Variants in KIAA1328 observed in about 807,000 individuals in gnomAD.
KIAA1328 encodes KIAA1328, also known as protein hinderin.
Under a neutral mutation model 68.1 loss-of-function variants are expected in KIAA1328, and 52 were observed. That is an observed-to-expected ratio of 0.76 (90% CI 0.61 to 0.96). The LOEUF (loss-of-function observed/expected upper bound fraction) is 0.96, where lower values mean the gene tolerates loss of function less well. Among genes scored for constraint, KIAA1328 ranks in the 40% least tolerant of loss-of-function variants. The pLI, the probability that KIAA1328 is intolerant of heterozygous loss-of-function variation, is 0.00. For synonymous variants in KIAA1328, 232 were observed against 239.4 expected (o/e 0.97, Z 0.28); for missense variants, 641 against 677.6 (o/e 0.95, Z 0.60).
chr18:36,899,620 C>T (rs1466317801), intron 5 of KIAA1328, among the ~76,000 whole-genome samples: 2 of 151,910 alleles, frequency 1.3e-5, no homozygotes, highest in East Asian at 3.9e-4. Flanking sequence ...TGTATCTGGA[C>T]TGCATTTGAG....
intron 6 of KIAA1328, among the ~76,000 whole-genome samples, chr18:37,010,063 A>G: frequency 6.6e-6 from 1 of 152,184 alleles, no homozygotes; most frequent in Non-Finnish European, 1.5e-5. Flanking sequence ...CATGGAAAAT[A>G]TACTTGCTGA....
intron 7 of KIAA1328, among the ~76,000 whole-genome samples, chr18:37,122,232 A>G (rs1044757510): frequency 1.3e-5 from 2 of 152,126 alleles, no homozygotes; most frequent in African/African-American, 4.8e-5. Flanking sequence ...GAGAGTAATA[A>G]TTATTGTGTC....
chr18:36,832,493 G>A (rs1352430948), intron 1 of KIAA1328, among the ~76,000 whole-genome samples: 1 of 150,784 alleles, frequency 6.6e-6, no homozygotes, highest in African/African-American at 2.4e-5. Context: ...GGAGGCTGAG[G>A]CAGAGAATTG....
chr18:36,843,171 C>G (rs963499818), intron 3 of KIAA1328, among the ~76,000 whole-genome samples: 1 of 152,082 alleles, frequency 6.6e-6, no homozygotes, highest in African/African-American at 2.4e-5. Flanking sequence ...CTAGACCTAC[C>G]TTTCCAGCTT....
At chr18:37,206,540 A>G (rs1285607031) in intron 9 of KIAA1328, among the ~76,000 whole-genome samples, 1 of 152,132 alleles carries the variant, frequency 6.6e-6, no homozygotes, top group Non-Finnish European at 1.5e-5. Flanking sequence ...TCTTGTCTGA[A>G]ATGGCCAGGC....
intron 6 of KIAA1328, among the ~76,000 whole-genome samples, chr18:37,038,425 C>G (rs1269983782): frequency 1.3e-5 from 2 of 151,982 alleles, no homozygotes; most frequent in African/African-American, 4.8e-5. Context: ...CATTTTGATG[C>G]TATTCTGAAT....
intron 5 of KIAA1328, among the ~76,000 whole-genome samples, chr18:36,909,182 T>C (rs1042513844): frequency 2.1e-4 from 32 of 152,290 alleles, no homozygotes; most frequent in African/African-American, 7.5e-4. Context: ...GTGCACAATG[T>C]GCAGGTTTGT....
At chr18:37,218,516 G>A (rs1188083570) in intron 9 of KIAA1328, among the ~76,000 whole-genome samples, 2 of 152,176 alleles carry the variant, frequency 1.3e-5, no homozygotes, top group Admixed American at 6.5e-5. Flanking sequence ...AAAATTTAAA[G>A]TAGTGAGCTA....
At chr18:37,158,686 T>A (rs2059210171) in intron 7 of KIAA1328, among the ~76,000 whole-genome samples, 1 of 152,186 alleles carries the variant, frequency 6.6e-6, no homozygotes, top group Non-Finnish European at 1.5e-5. Context: ...AGAAGCCAAG[T>A]TTCCAGTTGT....
chr18:37,101,391 T>A, intron 7 of KIAA1328, among the ~76,000 whole-genome samples: 1 of 152,208 alleles, frequency 6.6e-6, no homozygotes, highest in East Asian at 1.9e-4. Context: ...AGTAGCCGAT[T>A]CGATCAACTG....
At chr18:37,141,656 G>A (rs1251398521) in intron 7 of KIAA1328, among the ~76,000 whole-genome samples, 3 of 152,144 alleles carry the variant, frequency 2.0e-5, no homozygotes, top group Non-Finnish European at 2.9e-5. Context: ...ATTTTCAACT[G>A]TACATGAAAC....
At chr18:37,228,694 C>T (rs2060651557), downstream of KIAA1328, among the ~76,000 whole-genome samples, 1 of 152,066 alleles carries the variant, frequency 6.6e-6, no homozygotes, top group Non-Finnish European at 1.5e-5. Context: ...GTGGCAGGCA[C>T]CTGTAATCCC....
chr18:37,115,770 G>T (rs1279824030), intron 7 of KIAA1328, among the ~76,000 whole-genome samples: 7 of 152,154 alleles, frequency 4.6e-5, no homozygotes, highest in African/African-American at 9.7e-5. Context: ...AAACCCCATC[G>T]TCTCAGCCCA....
intron 7 of KIAA1328, among the ~76,000 whole-genome samples, chr18:37,115,687 A>G (rs934370827): frequency 6.6e-6 from 1 of 152,140 alleles, no homozygotes; most frequent in South Asian, 2.1e-4. Flanking sequence ...GGAGAAAGAA[A>G]TAAAAGTATT....
At chr18:36,896,828 A>G (rs918806217) in intron 5 of KIAA1328, among the ~76,000 whole-genome samples, 2 of 151,918 alleles carry the variant, frequency 1.3e-5, no homozygotes, top group Non-Finnish European at 2.9e-5. Context: ...TATCTGATGT[A>G]CTCTTTTCAG....
intron 7 of KIAA1328, among the ~76,000 whole-genome samples, chr18:37,149,040 C>T (rs1353860358): frequency 4.6e-5 from 7 of 152,002 alleles, no homozygotes; most frequent in African/African-American, 7.2e-5. Flanking sequence ...TCCATTAAAC[C>T]GCATTGACAT....
At chr18:37,114,092 C>G (rs540266033) in intron 7 of KIAA1328, among the ~76,000 whole-genome samples, 2 of 152,284 alleles carry the variant, frequency 1.3e-5, no homozygotes, top group South Asian at 2.1e-4. Context: ...CAACATTAGA[C>G]AGATCAACGA....
intron 6 of KIAA1328, among the ~76,000 whole-genome samples, chr18:37,023,916 G>C (rs531422241): frequency 3.3e-5 from 5 of 152,160 alleles, no homozygotes; most frequent in Non-Finnish European, 5.9e-5. Flanking sequence ...CAGGTAATAA[G>C]CATAGTATCC....
chr18:36,959,815 A>C (rs1413691532), intron 6 of KIAA1328, among the ~76,000 whole-genome samples: 1 of 152,364 alleles, frequency 6.6e-6, no homozygotes, highest in East Asian at 1.9e-4. Context: ...TTTTAGAATA[A>C]TGAAAGTTAA....
Sources: gnomAD v4.1 joint callset for allele counts (sites outside exome capture counted in the v4.1 genomes callset) on GRCh38, gnomAD v4.1.1 for gene constraint, MANE v1.5 for transcripts, NCBI Gene and HGNC (gene_info 2026-07-23, HGNC 2026-07-21) for gene names.